IQCJ: variants seen among roughly 807,000 people sequenced by gnomAD.
IQCJ encodes IQ domain-containing protein J.
IQCJ carries 9 observed loss-of-function variants against 11.0 expected under a neutral mutation model. The observed-to-expected ratio is 0.82, with a 90% confidence interval of 0.49 to 1.43. The LOEUF is 1.43. Ranked by LOEUF, IQCJ falls within the 40% of genes most tolerant of loss-of-function variation. The pLI is 0.00. For synonymous variants in IQCJ, 55 were observed against 51.3 expected (o/e 1.07, Z -0.31); for missense variants, 146 against 133.2 (o/e 1.10, Z -0.47).
chr3:159,086,927 TG>T (rs1716821522), intron 1 of IQCJ, among the ~76,000 whole-genome samples: 1 of 152,162 alleles, frequency 6.6e-6, no homozygotes, highest in African/African-American at 2.4e-5. Flanking sequence ...CCTGCCTAAT[TG>T]CCCTGGCCAA....
rs533179591 is a variant in IQCJ, at chr3:159,104,633, C to T, written c.9+35192C>T. Among the ~76,000 whole-genome samples, 18 of 152,178 alleles carry T rather than the reference C, an allele frequency of 1.2e-4. No homozygotes were observed. The East Asian group carries it at 1.3e-3, about 11-fold the overall frequency. On this transcript the variant is annotated intron_variant, in intron 1 of 3. Coordinates refer to ENST00000397832, the MANE Select transcript of IQCJ (RefSeq NM_001042706.3). Reference sequence around the variant, plus strand: ...CTCCTGCCCACCTTAGTGGCCTCCTCGCCCGCCATTTTTCCACACCGTGCC... The same window carrying T: ...CTCCTGCCCACCTTAGTGGCCTCCTTGCCCGCCATTTTTCCACACCGTGCC...
chr3:159,260,251 C>T (rs901131263), intron 3 of IQCJ, among the ~76,000 whole-genome samples: 4 of 152,126 alleles, frequency 2.6e-5, no homozygotes, highest in South Asian at 2.1e-4. Flanking sequence ...GGTGTCACAC[C>T]GCCCTCTGGT....
intron 1 of IQCJ, among the ~76,000 whole-genome samples, chr3:159,154,588 G>A (rs1721412006): frequency 6.6e-6 from 1 of 152,000 alleles, no homozygotes; most frequent in African/African-American, 2.4e-5. Flanking sequence ...CCCACCCTTG[G>A]CTTCTCTGGG....
intron 1 of IQCJ, among the ~76,000 whole-genome samples, chr3:159,090,655 G>C (rs561045104): frequency 7.2e-5 from 11 of 151,900 alleles, no homozygotes; most frequent in Admixed American, 3.3e-4. Context: ...GCTGAGGTGA[G>C]AGTAGGAGAA....
intron 1 of IQCJ, among the ~76,000 whole-genome samples, chr3:159,093,454 C>T (rs929136724): frequency 6.6e-6 from 1 of 151,782 alleles, no homozygotes; most frequent in African/African-American, 2.4e-5. Flanking sequence ...ATTTGGCTCC[C>T]ACATTTCCAA....
intron 1 of IQCJ, among the ~76,000 whole-genome samples, chr3:159,211,008 A>G (rs1281931019): frequency 6.6e-6 from 1 of 152,208 alleles, no homozygotes; most frequent in African/African-American, 2.4e-5. Context: ...TGCAAATTTC[A>G]AGGAGTACTA....
At chr3:159,119,620 A>C (rs1044483977) in intron 1 of IQCJ, among the ~76,000 whole-genome samples, 12 of 152,226 alleles carry the variant, frequency 7.9e-5, no homozygotes, top group African/African-American at 2.9e-4. Context: ...AAGCCAAGAG[A>C]AAGGAGACTA....
At chr3:159,139,367 G>T (rs1467146885) in intron 1 of IQCJ, among the ~76,000 whole-genome samples, 1 of 152,088 alleles carries the variant, frequency 6.6e-6, no homozygotes, top group African/African-American at 2.4e-5. Flanking sequence ...ACAGCATATT[G>T]TTAGCCTGTT....
At chr3:159,198,694 T>G (rs2108059358) in intron 1 of IQCJ, among the ~76,000 whole-genome samples, 1 of 152,316 alleles carries the variant, frequency 6.6e-6, no homozygotes, top group South Asian at 2.1e-4. Context: ...TGGCTTCTTT[T>G]TGCTGTATTA....
At chr3:159,242,180 T>C (rs1479047570) in intron 1 of IQCJ, among the ~76,000 whole-genome samples, 1 of 152,086 alleles carries the variant, frequency 6.6e-6, no homozygotes, top group Non-Finnish European at 1.5e-5. Flanking sequence ...GGAAATGAGG[T>C]CAGAGAGATA....
At chr3:159,244,487 C>T (rs920180287) in intron 1 of IQCJ, among the ~76,000 whole-genome samples, 1 of 152,162 alleles carries the variant, frequency 6.6e-6, no homozygotes, top group Non-Finnish European at 1.5e-5. Flanking sequence ...TTTTCATCTG[C>T]AAAATCCTCT....
Position 159,225,534 on chromosome 3 carries a change from T to C in IQCJ, c.10-20309T>C, listed in dbSNP as rs551540020. ...ATAAACACACACAAATGAGTGAATA[T>C]ATAATTAATAAAATTAAAATATAGT... On this transcript the variant is annotated intron_variant, in intron 1 of 3. Coordinates refer to ENST00000397832, the MANE Select transcript of IQCJ (RefSeq NM_001042706.3). Among the ~76,000 whole-genome samples, 15 of 152,328 alleles carry C rather than the reference T, an allele frequency of 9.8e-5. 1 individual carries two copies. The East Asian group carries it at 2.3e-3, about 23-fold the overall frequency.
chr3:159,230,661 T>A (rs754983665), intron 1 of IQCJ, among the ~76,000 whole-genome samples: 2 of 152,206 alleles, frequency 1.3e-5, no homozygotes, highest in Non-Finnish European at 2.9e-5. Context: ...TGAGGAAATA[T>A]AATAAAGGCC....
intron 1 of IQCJ, among the ~76,000 whole-genome samples, chr3:159,223,507 C>T (rs988799403): frequency 5.9e-5 from 9 of 152,076 alleles, no homozygotes; most frequent in African/African-American, 1.2e-4. Context: ...TATCACCTCA[C>T]GTATCCTTGA....
chr3:159,145,182 T>A (rs1480907001), intron 1 of IQCJ, among the ~76,000 whole-genome samples: 1 of 152,156 alleles, frequency 6.6e-6, no homozygotes, highest in African/African-American at 2.4e-5. Context: ...AGTAGCTGAA[T>A]TGATTTATTT....
At chr3:159,200,104 A>ATATATATATATATATATATAT (rs1724232754) in intron 1 of IQCJ, among the ~76,000 whole-genome samples, 1 of 116,954 alleles carries the variant, frequency 8.6e-6, no homozygotes, top group African/African-American at 3.8e-5. Context: ...TTTATACATA[A>ATATATATATATATATATATAT]ATATATATAT....
intron 1 of IQCJ, among the ~76,000 whole-genome samples, chr3:159,216,327 A>G (rs1022176515): frequency 6.6e-6 from 1 of 152,148 alleles, no homozygotes; most frequent in African/African-American, 2.4e-5. Flanking sequence ...CTTTCTTTTG[A>G]TAAATAATGC....
At position 159,125,389 on chromosome 3, in the gene IQCJ, T is replaced by A. The variant is rs554660871; in HGVS notation, c.9+55948T>A. On this transcript the variant is annotated intron_variant, in intron 1 of 3. Coordinates refer to ENST00000397832, the MANE Select transcript of IQCJ (RefSeq NM_001042706.3). ...ATGGAATGTGGCATCCCAGATGGGA[T>A]CTTAGAGCAGAAAATGGACTTTAGG... Among the ~76,000 whole-genome samples, 4 of 152,238 alleles carry A rather than the reference T, an allele frequency of 2.6e-5. No individual in the cohort carries two copies. The South Asian group carries it at 8.3e-4, about 32-fold the overall frequency.
At chr3:159,227,292 A>T (rs1725915103) in intron 1 of IQCJ, among the ~76,000 whole-genome samples, 1 of 152,234 alleles carries the variant, frequency 6.6e-6, no homozygotes, top group African/African-American at 2.4e-5. Context: ...ATCATAAATT[A>T]TTTAGCCACC....
Sources: gnomAD v4.1 joint callset for allele counts (sites outside exome capture counted in the v4.1 genomes callset) on GRCh38, gnomAD v4.1.1 for gene constraint, MANE v1.5 for transcripts, NCBI Gene and HGNC (gene_info 2026-07-23, HGNC 2026-07-21) for gene names.